ST8SIA6: variants seen among roughly 807,000 people sequenced by gnomAD.
The protein encoded by ST8SIA6 is ST8 alpha-N-acetyl-neuraminide alpha-2,8-sialyltransferase 6, also known as alpha-2,8-sialyltransferase 8F.
ST8SIA6 carries 39 observed loss-of-function variants against 33.6 expected under a neutral mutation model. The ratio of observed to expected loss-of-function variants is 1.16; its 90% confidence interval spans 0.90 to 1.52. The LOEUF is 1.52. Among genes scored for constraint, ST8SIA6 ranks in the 40% most tolerant of loss-of-function variants. ST8SIA6 has a pLI of 0.00. For missense variants in ST8SIA6, 441 were observed against 443.8 expected, an observed-to-expected ratio of 0.99 and a Z score of 0.06; for synonymous variants, 172 against 167.2, an observed-to-expected ratio of 1.03 and a Z score of -0.22.
chr10:17,358,753 A>G (rs2131616695), intron 4 of ST8SIA6, among the ~76,000 whole-genome samples: 1 of 150,266 alleles, frequency 6.7e-6, no homozygotes, highest in East Asian at 2.0e-4. Context: ...GAGGAGGAGG[A>G]GGAAAGAAGA....
intron 2 of ST8SIA6, among the ~76,000 whole-genome samples, chr10:17,397,226 G>GT (rs1483021820): frequency 0.27 from 21,249 of 77,982 alleles, 2,737 homozygotes; most frequent in East Asian, 0.52. Context: ...TTTGCAAATT[G>GT]TTTTTTGTTT....
intron 2 of ST8SIA6, among the ~76,000 whole-genome samples, chr10:17,448,160 C>A (rs1453178544): frequency 6.6e-6 from 1 of 152,054 alleles, no homozygotes; most frequent in Non-Finnish European, 1.5e-5. Flanking sequence ...AGTCCTTCTG[C>A]AGAGGAAAAG....
intron 3 of ST8SIA6, among the ~76,000 whole-genome samples, chr10:17,384,016 A>T (rs1850251416): frequency 6.6e-6 from 1 of 152,242 alleles, no homozygotes; most frequent in Admixed American, 6.5e-5. Flanking sequence ...TAAGTGCAAT[A>T]GGAATCTGTT....
intron 4 of ST8SIA6, among the ~76,000 whole-genome samples, chr10:17,356,376 C>T (rs1300587624): frequency 6.6e-6 from 1 of 151,018 alleles, no homozygotes; most frequent in Non-Finnish European, 1.5e-5. Flanking sequence ...TGTATTATAG[C>T]CCCAGAGGTT....
intron 4 of ST8SIA6, among the ~76,000 whole-genome samples, chr10:17,345,911 A>G (rs1848817490): frequency 6.6e-6 from 1 of 152,188 alleles, no homozygotes; most frequent in Non-Finnish European, 1.5e-5. Context: ...TGCACATGAC[A>G]AGAAATGAAA....
At chr10:17,452,822 G>A (rs1852964352) in intron 2 of ST8SIA6, among the ~76,000 whole-genome samples, 1 of 152,110 alleles carries the variant, frequency 6.6e-6, no homozygotes, top group African/African-American at 2.4e-5. Context: ...ATAGGTCTAG[G>A]ATTTTTAGAA....
At chr10:17,447,816 A>T (rs79046161) in intron 2 of ST8SIA6, among the ~76,000 whole-genome samples, 4,556 of 144,354 alleles carry the variant, frequency 0.032, 106 homozygotes, top group South Asian at 0.05. Flanking sequence ...ATTAAAATTT[A>T]AAAAAAATTT....
At chr10:17,360,451 C>T (rs1294427686) in intron 3 of ST8SIA6, among the ~76,000 whole-genome samples, 3 of 151,888 alleles carry the variant, frequency 2.0e-5, no homozygotes, top group African/African-American at 7.2e-5. Context: ...AAAATATTCA[C>T]ATATACATGA....
At chr10:17,424,275 T>C (rs1588911827) in intron 2 of ST8SIA6, among the ~76,000 whole-genome samples, 2 of 152,152 alleles carry the variant, frequency 1.3e-5, no homozygotes, top group East Asian at 3.9e-4. Context: ...AGCTAATTTT[T>C]GTATATTTAG....
chr10:17,403,398 T>A (rs562701744), intron 2 of ST8SIA6: 2 of 152,344 alleles, frequency 1.3e-5, no homozygotes, highest in South Asian at 4.1e-4. Context: ...AAGTGACAGG[T>A]CCTTGGCTGT....
intron 2 of ST8SIA6, 88 bp from the exon 3 acceptor site, chr10:17,390,708 AGT>A: frequency 9.2e-7 from 1 of 1,084,988 alleles, no homozygotes; most frequent in East Asian, 2.4e-5. Context: ...TAATTGATAA[AGT>A]GTGTCCAAAT....
chr10:17,371,976 A>G (rs545183677), intron 3 of ST8SIA6, among the ~76,000 whole-genome samples: 1 of 152,168 alleles, frequency 6.6e-6, no homozygotes, highest in East Asian at 1.9e-4. Context: ...ACTTTGAAAA[A>G]GCTCACCAGT....
At chr10:17,330,045 C>A (rs1848246739) in intron 5 of ST8SIA6, among the ~76,000 whole-genome samples, 1 of 151,992 alleles carries the variant, frequency 6.6e-6, no homozygotes, top group African/African-American at 2.4e-5. Context: ...CACCACGAGC[C>A]CCGTCTATGA....
At chr10:17,448,849 T>G (rs1852816716) in intron 2 of ST8SIA6, among the ~76,000 whole-genome samples, 1 of 148,046 alleles carries the variant, frequency 6.8e-6, no homozygotes, top group Non-Finnish European at 1.5e-5. Flanking sequence ...CTCAATCTCC[T>G]CACCTTTTGA....
At chr10:17,406,520 A>G (rs2131687230) in intron 2 of ST8SIA6, among the ~76,000 whole-genome samples, 1 of 152,312 alleles carries the variant, frequency 6.6e-6, no homozygotes, top group African/African-American at 2.4e-5. Flanking sequence ...ATGCATTAAT[A>G]TACTTGCTTG....
rs532463456 is a variant in ST8SIA6 at position 17,318,583 on chromosome 10, A to G, written c.*2295T>C. ...TTCTCAATGCCCTTAGATGTACTTGAGTTTTAAGAGCAGAAGATCACATTA... is the reference window on the plus strand; with the variant it reads ...TTCTCAATGCCCTTAGATGTACTTGGGTTTTAAGAGCAGAAGATCACATTA... On this transcript the variant is annotated 3_prime_UTR_variant, in exon 8 of 8. Transcript: ENST00000377602. 3.4e-5 allele frequency: 15 copies of G among 436,810 alleles called. No homozygotes were observed. Among genetic ancestry groups the G allele is most frequent in the Non-Finnish European group, 6.5e-5 (14 of 214,088 alleles). The allele number at this position is 436,810 out of a possible 1,614,324, so 27.1% of individuals were successfully genotyped here. A position where few individuals can be genotyped will look rare whatever the true frequency, so the allele number is the denominator to read the frequency against.
intron 4 of ST8SIA6, among the ~76,000 whole-genome samples, chr10:17,336,945 GAGATTC>G (rs1282859603): frequency 6.6e-6 from 1 of 151,988 alleles, no homozygotes; most frequent in African/African-American, 2.4e-5. Flanking sequence ...AATGTGTTTT[GAGATTC>G]ATATATGCTA....
At chr10:17,405,954 G>A (rs1851242925) in intron 2 of ST8SIA6, among the ~76,000 whole-genome samples, 1 of 151,236 alleles carries the variant, frequency 6.6e-6, no homozygotes. Context: ...GGTGCAAAAT[G>A]AGAATAATCC....
At chr10:17,359,350 GA>G (rs1216243164) in intron 4 of ST8SIA6, among the ~76,000 whole-genome samples, 163 bp downstream of exon 4, 1 of 152,140 alleles carries the variant, frequency 6.6e-6, no homozygotes, top group African/African-American at 2.4e-5. Flanking sequence ...AAGAGATGGA[GA>G]TGGAATGCCC....
Sources: gnomAD v4.1 joint callset for allele counts (sites outside exome capture counted in the v4.1 genomes callset) on GRCh38, gnomAD v4.1.1 for gene constraint, MANE v1.5 for transcripts, NCBI Gene and HGNC (gene_info 2026-07-23, HGNC 2026-07-21) for gene names.